CTIF: variants seen among roughly 807,000 people sequenced by gnomAD.
The protein encoded by CTIF is CBP80/20-dependent translation initiation factor.
CTIF carries 21 observed loss-of-function variants against 66.0 expected under a neutral mutation model. The ratio of observed to expected loss-of-function variants is 0.32; its 90% CI spans 0.23 to 0.46. The LOEUF (loss-of-function observed/expected upper bound fraction) is 0.46, where lower values mean the gene tolerates loss of function less well. Ranked by LOEUF, CTIF falls within the 20% of genes least tolerant of loss-of-function variation. CTIF has a pLI of 1.00. For missense variants in CTIF, 739 were observed against 812.7 expected, an observed-to-expected ratio of 0.91 and a Z score of 1.10; for synonymous variants, 345 against 326.4, an observed-to-expected ratio of 1.06 and a Z score of -0.62.
chr18:48,623,275 C>A (rs1477018413), intron 2 of CTIF, among the ~76,000 whole-genome samples: 1 of 152,248 alleles, frequency 6.6e-6, no homozygotes. Context: ...TCGAAGAATG[C>A]AGACACCTGG....
At position 48,859,652 on chromosome 18, in the gene CTIF, G is replaced by A. The variant is rs542119108; in HGVS notation, c.*93G>A. Reference sequence around the variant, plus strand: ...GCGGGAGGACAGGGGTGGCCCTGGCGGGAGAAAGAAATGGGGAGGAGGGCA... The same window carrying A: ...GCGGGAGGACAGGGGTGGCCCTGGCAGGAGAAAGAAATGGGGAGGAGGGCA... On this transcript the variant is annotated 3_prime_UTR_variant, in exon 12 of 12. Coordinates refer to ENST00000256413, the MANE Select transcript of CTIF (RefSeq NM_014772.3). 332 of 1,236,972 alleles carry A rather than the reference G, an allele frequency of 2.7e-4. No individual in the cohort carries two copies. The highest frequency in any genetic ancestry group is 5.0e-4 in the East Asian group (21 of 41,894). 76.6% of individuals were successfully genotyped at this position (1,236,972 alleles called of 1,614,324 possible).
chr18:48,603,465 G>T (rs2090139251), intron 1 of CTIF, among the ~76,000 whole-genome samples: 2 of 130,284 alleles, frequency 1.5e-5, no homozygotes, highest in East Asian at 5.3e-4. Flanking sequence ...GTGAGTGAAT[G>T]GATGGCTAGA....
At chr18:48,650,941 T>A (rs904133078) in intron 3 of CTIF, among the ~76,000 whole-genome samples, 7 of 151,768 alleles carry the variant, frequency 4.6e-5, no homozygotes, top group Admixed American at 4.6e-4. Context: ...GACAAGCAAA[T>A]GCTGAGAGAT....
At chr18:48,751,344 C>T (rs1446994656) in intron 7 of CTIF, among the ~76,000 whole-genome samples, 1 of 152,228 alleles carries the variant, frequency 6.6e-6, no homozygotes. Flanking sequence ...GAACATAGGC[C>T]TGTGCTGCTC....
At chr18:48,646,901 C>CAAAAAAAAAA (rs35904615) in intron 3 of CTIF, among the ~76,000 whole-genome samples, 5 of 77,984 alleles carry the variant, frequency 6.4e-5, no homozygotes, top group Non-Finnish European at 1.1e-4. Flanking sequence ...TTGGCAGTTT[C>CAAAAAAAAAA]AAAAAAAAAA....
intron 10 of CTIF, among the ~76,000 whole-genome samples, chr18:48,850,151 A>G (rs558933676): frequency 1.3e-5 from 2 of 152,268 alleles, no homozygotes; most frequent in South Asian, 2.1e-4. Flanking sequence ...TTCACTTAGC[A>G]TAATGTCTTC....
At chr18:48,669,793 TTATATATA>T (rs57715945) in intron 5 of CTIF, among the ~76,000 whole-genome samples, 719 of 47,226 alleles carry the variant, frequency 0.015, 22 homozygotes, top group East Asian at 0.034. Flanking sequence ...AGCTAAACAT[TTATATATA>T]TATATATATA....
At chr18:48,765,801 C>CA (rs1239684290) in intron 9 of CTIF, among the ~76,000 whole-genome samples, 1 of 152,186 alleles carries the variant, frequency 6.6e-6, no homozygotes, top group African/African-American at 2.4e-5. Context: ...CCCACAGCTC[C>CA]AAAATGGTCT....
chr18:48,749,113 AG>A (rs1486634431), intron 7 of CTIF, among the ~76,000 whole-genome samples: 1 of 152,230 alleles, frequency 6.6e-6, no homozygotes, highest in Admixed American at 6.5e-5. Context: ...TTCTAGTTTA[AG>A]GGCTGTTCCA....
chr18:48,821,348 A>C (rs1241095594), intron 10 of CTIF, among the ~76,000 whole-genome samples: 1 of 152,220 alleles, frequency 6.6e-6, no homozygotes, highest in Non-Finnish European at 1.5e-5. Context: ...CTTTTAACTC[A>C]GACAGCACTT....
intron 7 of CTIF, among the ~76,000 whole-genome samples, chr18:48,753,838 C>G (rs1335781529): frequency 6.6e-6 from 1 of 152,220 alleles, no homozygotes; most frequent in African/African-American, 2.4e-5. Context: ...AGCCTCCTTG[C>G]CGGGTTGCTG....
Position 48,814,956 on chromosome 18 carries a change from G to A in CTIF, c.1372-2265G>A, listed in dbSNP as rs548615338. Among the ~76,000 whole-genome samples, 11 of 152,210 alleles carry A rather than the reference G, an allele frequency of 7.2e-5. No individual in the cohort carries two copies. The South Asian group carries it at 2.3e-3, about 32-fold the overall frequency. On this transcript the variant is annotated intron_variant, in intron 9 of 11. Coordinates refer to ENST00000256413, the MANE Select transcript of CTIF (RefSeq NM_014772.3). ...AGGAGGCCTGAGGGGTCAATATGAG[G>A]CCCATGAGGTCTGCAGGCATGGCTG...
intron 1 of CTIF, among the ~76,000 whole-genome samples, chr18:48,550,729 T>C (rs1473947039): frequency 2.6e-5 from 4 of 152,188 alleles, no homozygotes; most frequent in Non-Finnish European, 5.9e-5. Context: ...TCCCCTGGGA[T>C]CATGAGCACC....
At chr18:48,748,905 C>T (rs765148107) in intron 7 of CTIF, among the ~76,000 whole-genome samples, 3 of 152,222 alleles carry the variant, frequency 2.0e-5, no homozygotes, top group African/African-American at 7.2e-5. Context: ...CCCTCTGTTG[C>T]GGGGCAGCCC....
intron 6 of CTIF, among the ~76,000 whole-genome samples, chr18:48,683,628 C>A (rs539000709): frequency 1.3e-5 from 2 of 152,204 alleles, no homozygotes; most frequent in African/African-American, 2.4e-5. Flanking sequence ...CACCCCACCC[C>A]CAAAGGGTTC....
rs565584332 is a variant in CTIF, at chr18:48,761,223, C to T, written c.1072-167C>T. ...AAAAAAGGCAACAAGGAGCTTTTGG[C>T]GCATGAGGGGTCTTTGGTGGAGGTT... is the stretch of plus-strand genomic sequence containing the variant. On this transcript the variant is annotated intron_variant, in intron 8 of 11. Coordinates refer to ENST00000256413, the MANE Select transcript of CTIF (RefSeq NM_014772.3). The surrounding 1 kb of genome is among the most constrained non-coding windows in gnomAD (Gnocchi z 4.2). The T allele has an allele frequency of 2.7e-5, 17 of 620,206 alleles. No homozygotes were observed. Among genetic ancestry groups the T allele is most frequent in the East Asian group, 1.7e-4 (6 of 36,014 alleles). The allele number at this position is 620,206 out of a possible 1,614,324, so 38.4% of individuals were successfully genotyped here.
At chr18:48,786,219 G>A (rs190991085) in intron 9 of CTIF, among the ~76,000 whole-genome samples, 2 of 152,270 alleles carry the variant, frequency 1.3e-5, no homozygotes, top group Admixed American at 1.3e-4. Flanking sequence ...GTTTGGGAGG[G>A]GGTGCAAGCC....
chr18:48,594,634 G>T (rs762483733), intron 1 of CTIF, among the ~76,000 whole-genome samples: 24 of 152,136 alleles, frequency 1.6e-4, no homozygotes, highest in Non-Finnish European at 3.2e-4. Flanking sequence ...GAAACACCAG[G>T]TGCACGTTGT....
At chr18:48,711,858 G>T (rs28452294) in intron 7 of CTIF, among the ~76,000 whole-genome samples, 163 bp downstream of exon 7, 4,238 of 152,274 alleles carry the variant, frequency 0.028, 189 homozygotes, top group African/African-American at 0.096. Context: ...GGATTCCCCA[G>T]GGGCAGAGTG....
Sources: gnomAD v4.1 joint callset for allele counts (sites outside exome capture counted in the v4.1 genomes callset) on GRCh38, gnomAD v4.1.1 for gene constraint, Gnocchi (gnomAD v3.1) non-coding constraint, MANE v1.5 for transcripts, NCBI Gene and HGNC (gene_info 2026-07-23, HGNC 2026-07-21) for gene names.